The following CNTN4 variants were observed in gnomAD, a reference collection of about 807,000 sequenced individuals.
The protein encoded by CNTN4 is contactin-4.
CNTN4 carries 77 observed loss-of-function variants against 122.5 expected under a neutral mutation model. The observed-to-expected ratio is 0.63, with a 90% CI of 0.52 to 0.76. CNTN4 has a LOEUF of 0.76. Among genes scored for constraint, CNTN4 ranks in the 30% least tolerant of loss-of-function variants. The pLI is 0.00. For synonymous variants in CNTN4, 512 were observed against 447.0 expected (o/e 1.15, Z -1.83); for missense variants, 1,256 against 1,259.1 (o/e 1.00, Z 0.04).
At chr3:3,054,104 C>T in intron 24 of CNTN4, 129 bp downstream of exon 24, 1 of 972,508 alleles carries the variant, frequency 1.0e-6, no homozygotes, top group Admixed American at 2.0e-5. Context: ...AACACTACCC[C>T]CCTTCTCCAG....
intron 4 of CNTN4, among the ~76,000 whole-genome samples, chr3:2,676,736 G>C (rs1473991401): frequency 6.6e-6 from 1 of 152,192 alleles, no homozygotes; most frequent in Non-Finnish European, 1.5e-5. Context: ...GTTTCAGTAA[G>C]GAAAACTTCC....
chr3:2,378,455 A>G (rs2045903751), intron 3 of CNTN4, among the ~76,000 whole-genome samples: 1 of 152,222 alleles, frequency 6.6e-6, no homozygotes, highest in South Asian at 2.1e-4. Flanking sequence ...GGACTGGGGA[A>G]TATAGTCCAG....
intron 2 of CNTN4, among the ~76,000 whole-genome samples, chr3:2,279,981 A>T (rs888757427): frequency 1.2e-4 from 17 of 147,300 alleles, no homozygotes; most frequent in African/African-American, 4.1e-4. Context: ...AGAGAGAGAG[A>T]TAGATATAGA....
chr3:2,999,362 A>C (rs1695824043), intron 14 of CNTN4, among the ~76,000 whole-genome samples: 1 of 152,214 alleles, frequency 6.6e-6, no homozygotes, highest in South Asian at 2.1e-4. Context: ...GATGTTTAGG[A>C]GGATTGTTTC....
At chr3:2,673,794 A>G (rs2084676760) in intron 4 of CNTN4, among the ~76,000 whole-genome samples, 1 of 152,120 alleles carries the variant, frequency 6.6e-6, no homozygotes, top group African/African-American at 2.4e-5. Flanking sequence ...CGCCTGCCTC[A>G]GCCTCCCAAA....
chr3:2,849,986 C>CTT (rs746657018), intron 7 of CNTN4, among the ~76,000 whole-genome samples: 21,567 of 140,356 alleles, frequency 0.15, 2,168 homozygotes, highest in South Asian at 0.24. Context: ...TTAGCAATCA[C>CTT]TTTTTTTTCT....
intron 4 of CNTN4, among the ~76,000 whole-genome samples, chr3:2,729,012 A>G (rs1291044972): frequency 2.0e-5 from 3 of 152,260 alleles, no homozygotes; most frequent in Non-Finnish European, 4.4e-5. Context: ...TGGGAACACC[A>G]CAGCAATGAC....
intron 4 of CNTN4, among the ~76,000 whole-genome samples, chr3:2,719,312 T>G (rs1020263148): frequency 9.2e-5 from 14 of 152,012 alleles, no homozygotes; most frequent in South Asian, 2.1e-4. Flanking sequence ...TTTTTTTTTT[T>G]TTAGACAGAG....
rs181152868 is a variant in CNTN4, at chr3:2,605,024, A to G, written c.55+33466A>G. On this transcript the variant is annotated intron_variant, in intron 4 of 24. Transcript: ENST00000418658. ...TGCTAGGCTTTTTAAACATTTATTT[A>G]GAGACAGAATCTTACTCTGTCACCC... Among the ~76,000 whole-genome samples the G allele has an allele frequency of 9.2e-5, 14 of 152,294 alleles. No individual in the cohort carries two copies. In the East Asian group the frequency reaches 2.7e-3, roughly 29 times the overall value.
At chr3:2,416,348 T>C (rs1188309978) in intron 3 of CNTN4, among the ~76,000 whole-genome samples, 1 of 152,206 alleles carries the variant, frequency 6.6e-6, no homozygotes, top group African/African-American at 2.4e-5. Context: ...AATTTATCAA[T>C]GCCATTAGTT....
chr3:2,765,476 G>A (rs946614718), intron 6 of CNTN4, among the ~76,000 whole-genome samples: 19 of 152,102 alleles, frequency 1.2e-4, no homozygotes, highest in African/African-American at 3.9e-4. Context: ...TGAAGTACCT[G>A]GTCTGTAGTA....
chr3:2,687,789 G>A (rs1002983635), intron 4 of CNTN4, among the ~76,000 whole-genome samples: 4 of 152,188 alleles, frequency 2.6e-5, no homozygotes, highest in African/African-American at 9.6e-5. Flanking sequence ...TTATTAGAGA[G>A]ATGAAAGCCA....
At chr3:2,897,827 T>C (rs1423752732) in intron 10 of CNTN4, among the ~76,000 whole-genome samples, 2 of 152,198 alleles carry the variant, frequency 1.3e-5, no homozygotes, top group East Asian at 3.8e-4. Context: ...TTTCAGATTT[T>C]AGATCTTCAG....
At chr3:2,403,442 A>G (rs375175951) in intron 3 of CNTN4, among the ~76,000 whole-genome samples, 4 of 152,264 alleles carry the variant, frequency 2.6e-5, no homozygotes, top group East Asian at 3.9e-4. Flanking sequence ...TGGGATGACC[A>G]TGATGTTTCT....
intron 4 of CNTN4, among the ~76,000 whole-genome samples, chr3:2,686,460 T>G (rs929855961): frequency 1.3e-5 from 2 of 152,134 alleles, no homozygotes; most frequent in Admixed American, 1.3e-4. Flanking sequence ...ACTGCAATCA[T>G]TCCTCAGCTC....
At chr3:2,296,885 A>G (rs895854594) in intron 2 of CNTN4, among the ~76,000 whole-genome samples, 1 of 152,034 alleles carries the variant, frequency 6.6e-6, no homozygotes, top group Non-Finnish European at 1.5e-5. Context: ...AAGATCTTCA[A>G]TGTAGTATTC....
At chr3:2,815,389 A>G (rs575111736) in intron 6 of CNTN4, among the ~76,000 whole-genome samples, 1 of 152,290 alleles carries the variant, frequency 6.6e-6, no homozygotes, top group East Asian at 1.9e-4. Context: ...AAACAAATCA[A>G]TAAGAAAAAA....
At chr3:2,106,709 G>A (rs2729003) in intron 2 of CNTN4, among the ~76,000 whole-genome samples, 85,458 of 152,040 alleles carry the variant, frequency 0.56, 24,240 homozygotes, top group Admixed American at 0.66. Context: ...CCCTGAAGAC[G>A]TTTTCCCCAT....
intron 4 of CNTN4, among the ~76,000 whole-genome samples, chr3:2,714,834 C>G (rs975935802): frequency 3.9e-5 from 6 of 152,126 alleles, no homozygotes; most frequent in African/African-American, 1.4e-4. Context: ...AACTCTTGGG[C>G]TCAAACGATC....
Sources: gnomAD v4.1 joint callset for allele counts (sites outside exome capture counted in the v4.1 genomes callset) on GRCh38, gnomAD v4.1.1 for gene constraint, MANE v1.5 for transcripts, NCBI Gene and HGNC (gene_info 2026-07-23, HGNC 2026-07-21) for gene names.